The following CDH2 variants were observed in gnomAD, a reference collection of about 807,000 sequenced individuals.
CDH2 encodes cadherin-2.
CDH2 carries 17 observed loss-of-function variants against 92.0 expected under a neutral mutation model. The observed-to-expected ratio is 0.18, with a 90% CI of 0.13 to 0.28. The LOEUF (loss-of-function observed/expected upper bound fraction) is 0.28. Ranked by LOEUF, CDH2 falls within the 10% of genes least tolerant of loss-of-function variation. The probability of loss-of-function intolerance (pLI) is 1.00; values close to 1 mark genes in which losing one functional copy is unlikely to be tolerated. For synonymous variants in CDH2, 419 were observed against 415.9 expected, an observed-to-expected ratio of 1.01 and a Z score of -0.09; for missense variants, 862 against 1,133.1, an observed-to-expected ratio of 0.76 and a Z score of 3.44.
At chr18:28,078,075 G>T (rs1267595871) in intron 2 of CDH2, among the ~76,000 whole-genome samples, 1 of 151,962 alleles carries the variant, frequency 6.6e-6, no homozygotes, top group Non-Finnish European at 1.5e-5. Context: ...CCCTCCCACA[G>T]AATATATTCT....
chr18:28,007,381 T>G (rs929195352), intron 5 of CDH2, among the ~76,000 whole-genome samples: 36 of 151,822 alleles, frequency 2.4e-4, no homozygotes, highest in African/African-American at 8.0e-4. Flanking sequence ...TTAGTGCTCC[T>G]TTAATTGTTT....
chr18:28,128,685 C>CAAAA, intron 2 of CDH2, among the ~76,000 whole-genome samples: 1 of 113,914 alleles, frequency 8.8e-6, no homozygotes, highest in South Asian at 2.8e-4. Context: ...GACCCCGTCT[C>CAAAA]AAAAAAAAAA....
intron 2 of CDH2, among the ~76,000 whole-genome samples, chr18:28,115,401 C>T (rs1234387057): frequency 6.6e-6 from 1 of 152,136 alleles, no homozygotes; most frequent in Non-Finnish European, 1.5e-5. Flanking sequence ...ACTGTGCTGT[C>T]CTGGTGCTGA....
rs2011714889 is a variant in CDH2, at chr18:27,973,171, A to C, written c.2350-9650T>G. ...GCGGAATGTGCTTTCTGTGTCACCA[A>C]GACTCTAGGGATCTCATCTACATCA... is the stretch of plus-strand genomic sequence containing the variant. On this transcript the variant is annotated intron_variant, in intron 14 of 15. Coordinates refer to ENST00000269141, the MANE Select transcript of CDH2 (RefSeq NM_001792.5). 3.9e-5 allele frequency among the ~76,000 whole-genome samples: 6 copies of C among 152,232 alleles called. No individual in the cohort carries two copies. The South Asian group carries it at 1.2e-3, about 32-fold the overall frequency.
Position 28,143,939 on chromosome 18 carries a change from T to G in CDH2, c.172+3734A>C, listed in dbSNP as rs545629162. ...GAATGTCGTCACTCATAAATGGGAGTTGAAATATGAGAACACATGGACACA... is the reference window on the plus strand; with the variant it reads ...GAATGTCGTCACTCATAAATGGGAGGTGAAATATGAGAACACATGGACACA... On this transcript the variant is annotated intron_variant, in intron 2 of 15. Transcript: ENST00000269141. Among the ~76,000 whole-genome samples the G allele has an allele frequency of 2.6e-5, 4 of 151,046 alleles. No individual in the cohort carries two copies. In the East Asian group the frequency reaches 7.8e-4, roughly 30 times the overall value.
chr18:28,156,934 C>T (rs2016228736), intron 1 of CDH2, among the ~76,000 whole-genome samples: 1 of 152,194 alleles, frequency 6.6e-6, no homozygotes, highest in South Asian at 2.1e-4. Context: ...TGCAATCCCA[C>T]ATCTCCTCTG....
At chr18:28,149,756 T>C (rs1386910285) in intron 1 of CDH2, among the ~76,000 whole-genome samples, 2 of 152,214 alleles carry the variant, frequency 1.3e-5, no homozygotes, top group Non-Finnish European at 2.9e-5. Flanking sequence ...GTGGCTTCAA[T>C]TTTATCTGTA....
At position 27,985,091 on chromosome 18, in the gene CDH2, G is replaced by C. The variant is rs775358499; in HGVS notation, c.2118C>G (p.Asn706Lys). ...LRVKVCQCDS[N>K]GDCTDVDRIV... ...TCCTGTCCACATCTGTGCAGTCCCCGTTGGAGTCACACTGGCAAACCTTCA... is the reference window on the plus strand; with the variant it reads ...TCCTGTCCACATCTGTGCAGTCCCCCTTGGAGTCACACTGGCAAACCTTCA... The change falls in exon 13 of 16, where the codon AAC becomes AAG. Residue 706 changes from asparagine to lysine, a missense_variant. Transcript: ENST00000269141. The C allele has an allele frequency of 5.0e-6, 8 of 1,614,074 alleles. No homozygotes were observed. Among genetic ancestry groups the C allele is most frequent in the Admixed American group, 1.7e-5 (1 of 60,022 alleles).
At chr18:27,973,244 G>A (rs1339801119) in intron 14 of CDH2, among the ~76,000 whole-genome samples, 2 of 151,766 alleles carry the variant, frequency 1.3e-5, no homozygotes, top group Non-Finnish European at 2.9e-5. Context: ...CAACTTCATT[G>A]AAAAAAAGTC....
intron 14 of CDH2, among the ~76,000 whole-genome samples, chr18:27,981,181 T>A (rs1459118996): frequency 6.6e-6 from 1 of 152,154 alleles, no homozygotes; most frequent in East Asian, 1.9e-4. Context: ...TACTGAAGCC[T>A]AATTGAGCTG....
chr18:27,947,721 A>C (rs1466067859), downstream of CDH2, among the ~76,000 whole-genome samples: 1 of 151,750 alleles, frequency 6.6e-6, no homozygotes, highest in Non-Finnish European at 1.5e-5. Context: ...TGATATAAGT[A>C]TGTGATGTAA....
At chr18:27,993,848 C>T (rs923197934) in intron 7 of CDH2, among the ~76,000 whole-genome samples, 3 of 152,126 alleles carry the variant, frequency 2.0e-5, no homozygotes, top group East Asian at 1.9e-4. Context: ...GTATATTCAC[C>T]TCTACTGGCA....
At chr18:27,982,682 T>A (rs1387191214) in intron 14 of CDH2, among the ~76,000 whole-genome samples, 2 of 151,826 alleles carry the variant, frequency 1.3e-5, no homozygotes, top group Non-Finnish European at 2.9e-5. Flanking sequence ...AGTATATTTA[T>A]CATTACACAG....
chr18:28,013,147 T>C (rs1431174194), intron 3 of CDH2, among the ~76,000 whole-genome samples: 1 of 152,190 alleles, frequency 6.6e-6, no homozygotes, highest in African/African-American at 2.4e-5. Flanking sequence ...CTGTTGGAAA[T>C]GTACCTCATT....
intron 1 of CDH2, among the ~76,000 whole-genome samples, chr18:28,153,532 CA>C (rs1467888601): frequency 6.6e-6 from 1 of 152,172 alleles, no homozygotes; most frequent in African/African-American, 2.4e-5. Flanking sequence ...GAAATCTGCC[CA>C]GGGGCAACAC....
intron 2 of CDH2, among the ~76,000 whole-genome samples, chr18:28,100,792 C>T (rs900419319): frequency 2.6e-5 from 4 of 152,134 alleles, no homozygotes; most frequent in African/African-American, 4.8e-5. Context: ...CTTAAAGAAA[C>T]GAATTAATAG....
rs1021146164 is a variant in CDH2 at position 27,941,181 on chromosome 18, A to G, written c.1152-8057T>C. ...CTCCCGAGCAGCTGGGACTACAGGC[A>G]CCCGCCACCACGCCCAGCTAATTTT... is the stretch of plus-strand genomic sequence containing the variant. On this transcript the variant is annotated intron_variant, in intron 6 of 6. Transcript: ENST00000675173. Among the ~76,000 whole-genome samples the G allele has an allele frequency of 2.2e-4, 33 of 151,684 alleles. No homozygotes were observed. The East Asian group carries it at 4.5e-3, about 21-fold the overall frequency.
intron 2 of CDH2, among the ~76,000 whole-genome samples, chr18:28,076,607 T>G (rs560688468): frequency 8.3e-4 from 127 of 152,220 alleles, no homozygotes; most frequent in African/African-American, 3.0e-3. Flanking sequence ...TTGTTACATA[T>G]GTATACATGT....
intron 1 of CDH2, among the ~76,000 whole-genome samples, chr18:28,163,564 T>C (rs1038590064): frequency 6.6e-6 from 1 of 152,230 alleles, no homozygotes; most frequent in African/African-American, 2.4e-5. Flanking sequence ...CCAGGTGGCA[T>C]GCATAAGAAT....
Sources: gnomAD v4.1 joint callset for allele counts (sites outside exome capture counted in the v4.1 genomes callset) on GRCh38, gnomAD v4.1.1 for gene constraint, MANE v1.5 for transcripts, NCBI Gene and HGNC (gene_info 2026-07-23, HGNC 2026-07-21) for gene names.